Variants in TUBG2 observed in about 807,000 individuals in gnomAD.
TUBG2 encodes the protein tubulin gamma 2, also known as tubulin gamma-2 chain.
A neutral mutation model predicts 55.1 loss-of-function variants in TUBG2; 39 were observed. That is an observed-to-expected ratio of 0.71 (90% CI 0.55 to 0.93). TUBG2 has a LOEUF of 0.93. Ranked by LOEUF, TUBG2 falls within the 40% of genes least tolerant of loss-of-function variation. The pLI is 0.00. For synonymous variants in TUBG2, 223 were observed against 241.0 expected (o/e 0.93, Z 0.69); for missense variants, 358 against 599.1 (o/e 0.60, Z 4.20).
intron 3 of TUBG2, 72 bp from the exon 4 acceptor site, chr17:42,660,567 T>C: frequency 6.9e-7 from 1 of 1,458,374 alleles, no homozygotes; most frequent in South Asian, 1.2e-5. Context: ...GACAGAATTC[T>C]TGGTGCTGTG....
rs757436602 is a variant in TUBG2, at chr17:42,660,178, C to T, written c.192C>T (p.Ala64=). ...ACGATGAGCACTACATCCCCCGGGC[C>T]GTGCTGCTGGACTTGGAACCCCGGG... ...QADDEHYIPR[A]VLLDLEPRVI... The change falls in exon 3 of 11, where the codon GCC becomes GCT. Residue 64 remains alanine, a synonymous_variant. Transcript: ENST00000251412. 3.1e-6 allele frequency: 5 copies of T among 1,607,498 alleles called. No individual in the cohort carries two copies. In the African/African-American group the frequency reaches 5.4e-5, roughly 17 times the overall value.
chr17:42,661,622 G>T (rs897799753), intron 4 of TUBG2, among the ~76,000 whole-genome samples: 6 of 152,256 alleles, frequency 3.9e-5, no homozygotes, highest in African/African-American at 1.4e-4. Context: ...CACATCCACA[G>T]GCCAGGAGGG....
At position 42,665,339 on chromosome 17, in the gene TUBG2, G is replaced by A. The variant is rs569837948; in HGVS notation, c.607-137G>A. On this transcript the variant is annotated intron_variant, in intron 6 of 10. Coordinates refer to ENST00000251412, the MANE Select transcript of TUBG2 (RefSeq NM_016437.3). ...TGGGATTACAGACATGAGCCACCGC[G>A]CCCGGCCTCAGTACTTTTTTTTTTT... The A allele has an allele frequency of 1.7e-5, 23 of 1,355,818 alleles. No individual in the cohort carries two copies. In the Admixed American group the frequency reaches 3.1e-4, roughly 18 times the overall value. The allele number at this position is 1,355,818 out of a possible 1,614,324, so 84.0% of individuals were successfully genotyped here.
intron 5 of TUBG2, 100 bp downstream of exon 5, chr17:42,663,152 G>A: frequency 7.2e-7 from 1 of 1,394,446 alleles, no homozygotes; most frequent in African/African-American, 1.4e-5. Context: ...CCCCTTTTGA[G>A]TCATAGGGAC....
At chr17:42,659,662 T>C (rs1178023225) in intron 1 of TUBG2, 110 bp downstream of exon 1, 1 of 1,385,240 alleles carries the variant, frequency 7.2e-7, no homozygotes, top group African/African-American at 1.5e-5. Context: ...CCCCCTGCCC[T>C]GCTGCTCTGG....
rs1466105467 is a variant in TUBG2, at chr17:42,663,407, A to G, written c.510A>G (p.Ser170=). Residue 170 remains serine (S), a synonymous_variant, in exon 6 of 11, where the codon TCA becomes TCG. Coordinates refer to ENST00000251412, the MANE Select transcript of TUBG2 (RefSeq NM_016437.3). ...CCAAGAAGCTAGTGCAGACTTATTC[A>G]GTGTTTCCCTACCAGGACGAGATGA... ...RYPKKLVQTY[S]VFPYQDEMSD... 6.2e-7 allele frequency: 1 copy of G among 1,614,160 alleles called. No homozygotes were observed. Among genetic ancestry groups the G allele is most frequent in the East Asian group, 2.2e-5 (1 of 44,880 alleles).
rs1416699963 is a variant in TUBG2 at position 42,666,439 on chromosome 17, C to T, written c.1113C>T (p.His371=). 2 of 1,614,194 alleles carry T rather than the reference C, an allele frequency of 1.2e-6. No homozygotes were observed. The highest frequency in any genetic ancestry group is 1.1e-5 in the South Asian group (1 of 91,084). ...SRKSPYLPSA[H]RVSGLMMANH... ...AGTCTCCCTACCTGCCCTCGGCCCA[C>T]CGGGTCAGCGGGCTCATGATGGCCA... The change falls in exon 10 of 11, where the codon CAC becomes CAT. Residue 371 remains histidine, a synonymous_variant. Transcript: ENST00000251412.
intron 7 of TUBG2, 57 bp from the exon 8 acceptor site, chr17:42,665,621 T>TG: frequency 6.2e-7 from 1 of 1,614,094 alleles, no homozygotes; most frequent in South Asian, 1.1e-5. Flanking sequence ...GAGGGTCATC[T>TG]GGGGAAGGAA....
Position 42,659,913 on chromosome 17 carries a change from G to C in TUBG2, c.129G>C (p.Glu43Asp). 1 of 1,612,676 alleles carries C rather than the reference G, an allele frequency of 6.2e-7. No homozygotes were observed. The highest frequency in any genetic ancestry group is 1.7e-5 in the Admixed American group (1 of 59,916). ...PEGIVEEFAT[E>D]GTDRKDVFFY... Reference sequence around the variant, plus strand: ...GCATCGTGGAGGAATTCGCCACCGAGGGCACTGACCGCAAGGACGTCTTTT... The same window carrying C: ...GCATCGTGGAGGAATTCGCCACCGACGGCACTGACCGCAAGGACGTCTTTT... Residue 43 changes from glutamate (E) to aspartate (D), a missense_variant, in exon 2 of 11, where the codon GAG (glutamate) becomes GAC (aspartate). This residue lies in a region of TUBG2 where 32 missense variants were observed against 115.1 expected (regional missense o/e 0.28). Coordinates refer to ENST00000251412, the MANE Select transcript of TUBG2 (RefSeq NM_016437.3).
At position 42,665,656 on chromosome 17, in the gene TUBG2, G is replaced by A. The variant is rs763226608; in HGVS notation, c.694-22G>A. On this transcript the variant is annotated intron_variant, in intron 7 of 10. Transcript: ENST00000251412. The stretch of plus-strand genomic sequence containing the variant: ...AGGTCCCACCCAGGCCGAGCCCCAT[G>A]ACATGGCACGCCTGTCCCCAGGTGT... 2.5e-6 allele frequency: 4 copies of A among 1,613,932 alleles called. No homozygotes were observed. In the East Asian group the frequency reaches 6.7e-5, roughly 27 times the overall value.
At chr17:42,663,325 G>T in intron 5 of TUBG2, 52 bp from the exon 6 acceptor site, 1 of 1,610,350 alleles carries the variant, frequency 6.2e-7, no homozygotes, top group Non-Finnish European at 8.5e-7. Flanking sequence ...CATATGGGCA[G>T]TGATGGAGGG....
At chr17:42,663,605 C>T (rs936185096) in intron 6 of TUBG2, 102 bp downstream of exon 6, 1 of 1,419,634 alleles carries the variant, frequency 7.0e-7, no homozygotes, top group South Asian at 1.3e-5. Flanking sequence ...CTCAGGAGTT[C>T]AATACTAGCC....
chr17:42,662,994 A>G lies in TUBG2; in HGVS notation c.421A>G (p.Ile141Val). ...SLEGFVLCHS[I>V]AGGTGSGLGS... ...ACAGGGCTTCGTGCTGTGTCACTCC[A>G]TCGCTGGGGGTACGGGTTCTGGCCT... Residue 141 changes from isoleucine (I) to valine (V), a missense_variant, in exon 5 of 11, where the codon ATC becomes GTC. By Grantham distance (29) the Ile-to-Val change is conservative. Around this residue, in one of 8 missense-constraint regions of TUBG2, gnomAD observed 30 missense variants for 52.8 expected, o/e 0.57. Coordinates refer to ENST00000251412, the MANE Select transcript of TUBG2 (RefSeq NM_016437.3). The G allele has an allele frequency of 6.2e-7, 1 of 1,614,122 alleles. No individual in the cohort carries two copies. Among genetic ancestry groups the G allele is most frequent in the South Asian group, 1.1e-5 (1 of 91,070 alleles).
chr17:42,666,434 G>T lies in TUBG2; in HGVS notation c.1108G>T (p.Ala370Ser). The change falls in exon 10 of 11, where the codon GCC (alanine) becomes TCC (serine). Residue 370 changes from alanine (A) to serine (S), a missense_variant. Ala to Ser is a moderately conservative substitution (Grantham distance 99). This residue lies in a region of TUBG2 where 129 missense variants were observed against 251.6 expected (regional missense o/e 0.51). Coordinates refer to ENST00000251412, the MANE Select transcript of TUBG2 (RefSeq NM_016437.3). ...GAGGAAGTCTCCCTACCTGCCCTCG[G>T]CCCACCGGGTCAGCGGGCTCATGAT... ...LSRKSPYLPS[A>S]HRVSGLMMAN... 6.2e-7 allele frequency: 1 copy of T among 1,614,142 alleles called. No individual in the cohort carries two copies. Among genetic ancestry groups the T allele is most frequent in the Admixed American group, 1.7e-5 (1 of 60,024 alleles).
chr17:42,665,353 C>CT (rs11309373), intron 6 of TUBG2, 123 bp from the exon 7 acceptor site: 93 of 1,283,510 alleles, frequency 7.2e-5, no homozygotes, highest in South Asian at 2.6e-4. Flanking sequence ...GGCCTCAGTA[C>CT]TTTTTTTTTT....
At chr17:42,664,392 A>G (rs1049206848) in intron 6 of TUBG2, among the ~76,000 whole-genome samples, 7 of 151,910 alleles carry the variant, frequency 4.6e-5, no homozygotes, top group African/African-American at 1.5e-4. Flanking sequence ...ACAAAGCCAT[A>G]CCTGTGGGCC....
chr17:42,660,789 A>T (rs774132357), intron 4 of TUBG2, 82 bp downstream of exon 4: 2 of 1,187,214 alleles, frequency 1.7e-6, no homozygotes, highest in African/African-American at 3.0e-5. Flanking sequence ...CTGGATAGGT[A>T]ATATGAGGGG....
At chr17:42,663,094 T>C (rs750040943) in intron 5 of TUBG2, 42 bp downstream of exon 5, 2 of 1,589,080 alleles carry the variant, frequency 1.3e-6, no homozygotes, top group South Asian at 2.2e-5. Flanking sequence ...CCTGGTTCCC[T>C]GAGTAATGTC....
chr17:42,663,290 C>T, intron 5 of TUBG2, 87 bp from the exon 6 acceptor site: 1 of 1,578,598 alleles, frequency 6.3e-7, no homozygotes, highest in Non-Finnish European at 8.6e-7. Context: ...CAGTTCTGCC[C>T]TCACCCCTTT....
Sources: gnomAD v4.1 joint callset for allele counts (sites outside exome capture counted in the v4.1 genomes callset) on GRCh38, gnomAD v4.1.1 for gene constraint, gnomAD v4.1.1 regional missense constraint, MANE v1.5 for transcripts, NCBI Gene and HGNC (gene_info 2026-07-23, HGNC 2026-07-21) for gene names.